The following MARCHF8 variants were observed in gnomAD, a reference collection of about 807,000 sequenced individuals.
The protein encoded by MARCHF8 is membrane associated ring-CH-type finger 8.
In MARCHF8, 40 loss-of-function variants were observed where a neutral mutation model predicts 51.6. The observed-to-expected ratio is 0.77, with a 90% CI of 0.60 to 1.01. The LOEUF is 1.01. Among genes scored for constraint, MARCHF8 ranks in the 50% least tolerant of loss-of-function variants. MARCHF8 has a pLI of 0.00. For synonymous variants in MARCHF8, 263 were observed against 280.3 expected, an observed-to-expected ratio of 0.94 and a Z score of 0.62; for missense variants, 685 against 708.6, an observed-to-expected ratio of 0.97 and a Z score of 0.38.
chr10:45,538,065 TACAAAGGTTGGGTTACCC>T (rs1212662085), upstream of MARCHF8, among the ~76,000 whole-genome samples: 1 of 151,830 alleles, frequency 6.6e-6, no homozygotes, highest in Non-Finnish European at 1.5e-5. Context: ...ATAGAAAGAG[TACAAAGGTTGGGTTACCC>T]ACAAAGGGAA....
At chr10:45,466,670 C>T (rs1312229212) in intron 3 of MARCHF8, among the ~76,000 whole-genome samples, 2 of 152,126 alleles carry the variant, frequency 1.3e-5, no homozygotes, top group African/African-American at 4.8e-5. Context: ...TTCCTGTATT[C>T]TGAAGGGAAG....
intron 2 of MARCHF8, among the ~76,000 whole-genome samples, chr10:45,532,904 T>A (rs1479729790): frequency 6.6e-6 from 1 of 152,182 alleles, no homozygotes; most frequent in African/African-American, 2.4e-5. Context: ...AAGTCATTTA[T>A]AACCATTTAT....
intron 1 of MARCHF8, among the ~76,000 whole-genome samples, chr10:45,586,606 T>C (rs1324907098): frequency 6.6e-6 from 1 of 152,156 alleles, no homozygotes; most frequent in Non-Finnish European, 1.5e-5. Context: ...TTATGTAAAA[T>C]TCTGATTGCT....
At chr10:45,572,752 T>G (rs1025858655) in intron 1 of MARCHF8, among the ~76,000 whole-genome samples, 1 of 152,126 alleles carries the variant, frequency 6.6e-6, no homozygotes, top group Non-Finnish European at 1.5e-5. Flanking sequence ...CCTTTTCTAC[T>G]GACCCATCTG....
At chr10:45,585,478 GT>G (rs1429503915) in intron 1 of MARCHF8, among the ~76,000 whole-genome samples, 10 of 151,994 alleles carry the variant, frequency 6.6e-5, no homozygotes, top group Non-Finnish European at 1.5e-4. Flanking sequence ...AATGAAAGAA[GT>G]TTACCCACAA....
chr10:45,482,170 C>G (rs968159431), intron 3 of MARCHF8, among the ~76,000 whole-genome samples: 1 of 152,102 alleles, frequency 6.6e-6, no homozygotes, highest in Non-Finnish European at 1.5e-5. Context: ...GAAGAGGACA[C>G]GAACAAATTG....
intron 1 of MARCHF8, among the ~76,000 whole-genome samples, chr10:45,582,675 T>A (rs2044568461): frequency 6.6e-6 from 1 of 152,184 alleles, no homozygotes; most frequent in South Asian, 2.1e-4. Flanking sequence ...CTTTCGCCCC[T>A]CAGAACTGTA....
intron 3 of MARCHF8, among the ~76,000 whole-genome samples, chr10:45,467,641 T>A (rs916738383): frequency 6.6e-6 from 1 of 151,896 alleles, no homozygotes; most frequent in Non-Finnish European, 1.5e-5. Context: ...AGGCCAGCAA[T>A]CCCCTCTTAG....
chr10:45,463,413 T>G lies in MARCHF8; in HGVS notation c.826A>C (p.Arg276=), dbSNP rs1205403642. 1 of 1,550,654 alleles carries G rather than the reference T, an allele frequency of 6.4e-7. No homozygotes were observed. Among genetic ancestry groups the G allele is most frequent in the Non-Finnish European group, 8.7e-7 (1 of 1,147,006 alleles). Residue 276 remains arginine (R), a synonymous_variant, in exon 5 of 8, where the codon AGG becomes CGG. Transcript: ENST00000453424. The part of the protein sequence containing the change: ...SHGLSASSLH[R]FHELESCAAR... ...GCGCAGCTCTCCAGCTCATGGAACCTGTGCAGGCTGCTGGCGCTCAAGCCG... is the reference window on the plus strand; with the variant it reads ...GCGCAGCTCTCCAGCTCATGGAACCGGTGCAGGCTGCTGGCGCTCAAGCCG...
In MARCHF8 at chr10:45,543,432, A is replaced by G. The variant is rs190396767; in HGVS notation, c.-78-10143T>C. The stretch of plus-strand genomic sequence containing the variant: ...GAATTTAAAACTTTTGCACTTTAAA[A>G]GATACCATTAATAAAACTCAAGATA... On this transcript the variant is annotated intron_variant, in intron 1 of 6. Coordinates refer to the MARCHF8 transcript ENST00000319836. Among the ~76,000 whole-genome samples, 34 of 152,368 alleles carry G rather than the reference A, an allele frequency of 2.2e-4. No individual in the cohort carries two copies. In the East Asian group the frequency reaches 3.1e-3, roughly 14 times the overall value.
At chr10:45,550,798 C>G (rs943010779) in intron 1 of MARCHF8, among the ~76,000 whole-genome samples, 5 of 152,204 alleles carry the variant, frequency 3.3e-5, no homozygotes, top group Non-Finnish European at 7.3e-5. Flanking sequence ...CATTTCTTCT[C>G]TACAAGCAAA....
upstream of MARCHF8, among the ~76,000 whole-genome samples, chr10:45,539,015 A>C (rs1431799064): frequency 3.3e-5 from 5 of 152,224 alleles, no homozygotes; most frequent in Non-Finnish European, 7.3e-5. Context: ...CAGAATATAC[A>C]TTCTTTTCAG....
chr10:45,506,129 A>G (rs1185942335), intron 2 of MARCHF8, among the ~76,000 whole-genome samples: 1 of 152,130 alleles, frequency 6.6e-6, no homozygotes, highest in African/African-American at 2.4e-5. Flanking sequence ...AAATAAGTAC[A>G]TATATAAACA....
intron 2 of MARCHF8, among the ~76,000 whole-genome samples, chr10:45,496,180 C>T (rs925238824): frequency 6.6e-6 from 1 of 152,074 alleles, no homozygotes; most frequent in African/African-American, 2.4e-5. Context: ...AAAGGAAGTT[C>T]TTTGAGTTGA....
chr10:45,556,651 G>A (rs1467756351), intron 1 of MARCHF8, among the ~76,000 whole-genome samples: 2 of 152,154 alleles, frequency 1.3e-5, no homozygotes, highest in African/African-American at 2.4e-5. Flanking sequence ...ATGTTAAAAC[G>A]GCTTCTCCGG....
At chr10:45,485,227 T>C (rs78735899) in intron 3 of MARCHF8, among the ~76,000 whole-genome samples, 2,725 of 152,166 alleles carry the variant, frequency 0.018, 46 homozygotes, top group East Asian at 0.098. Context: ...AGGTTACATG[T>C]GGGGTGAAGG....
chr10:45,569,284 A>C (rs2133386243), intron 1 of MARCHF8, among the ~76,000 whole-genome samples: 1 of 152,104 alleles, frequency 6.6e-6, no homozygotes, highest in South Asian at 2.1e-4. Flanking sequence ...CTCTATCCCC[A>C]GTTTTTTGAG....
chr10:45,471,105 G>A (rs978773070), intron 3 of MARCHF8, among the ~76,000 whole-genome samples: 2 of 152,200 alleles, frequency 1.3e-5, no homozygotes, highest in African/African-American at 4.8e-5. Flanking sequence ...TACTTACAGA[G>A]AAGCATGTAC....
chr10:45,502,376 C>T (rs2133148380), intron 2 of MARCHF8, among the ~76,000 whole-genome samples: 1 of 152,128 alleles, frequency 6.6e-6, no homozygotes, highest in East Asian at 1.9e-4. Context: ...AAACAGTAAA[C>T]GAGAAAGTAC....
Sources: allele counts gnomAD v4.1 joint callset (sites outside exome capture counted in the v4.1 genomes callset), GRCh38; gene constraint gnomAD v4.1.1; transcripts MANE v1.5; gene names NCBI Gene and HGNC (gene_info 2026-07-23, HGNC 2026-07-21).